Variants in LRP1B observed in about 807,000 individuals in gnomAD.
LRP1B encodes LDL receptor related protein 1B, also known as low-density lipoprotein receptor-related protein 1B.
A neutral mutation model predicts 556.6 loss-of-function variants in LRP1B; 217 were observed. The ratio of observed to expected loss-of-function variants is 0.39; its 90% CI spans 0.35 to 0.44. LRP1B has a LOEUF of 0.44. LRP1B is among the 20% of genes least tolerant of loss of function. LRP1B has a pLI of 1.00. For missense variants in LRP1B, 5,053 were observed against 5,620.8 expected (o/e 0.90, Z 3.23); for synonymous variants, 2,047 against 1,865.8 (o/e 1.10, Z -2.50).
intron 37 of LRP1B, among the ~76,000 whole-genome samples, chr2:140,715,122 A>G (rs1687163219): frequency 6.6e-6 from 1 of 152,110 alleles, no homozygotes; most frequent in Non-Finnish European, 1.5e-5. Flanking sequence ...GTGAAAGGAA[A>G]AAGAGAGTAA....
chr2:141,386,143 TC>T (rs1445177922), intron 3 of LRP1B, among the ~76,000 whole-genome samples: 1 of 152,130 alleles, frequency 6.6e-6, no homozygotes. Flanking sequence ...AAAAATACTT[TC>T]AGGTTATGTG....
chr2:141,021,013 C>A (rs1047205090), intron 11 of LRP1B, among the ~76,000 whole-genome samples: 1 of 152,006 alleles, frequency 6.6e-6, no homozygotes, highest in African/African-American at 2.4e-5. Flanking sequence ...CGATTCCATT[C>A]TTCTGTTGCA....
In LRP1B at chr2:140,525,945, C is replaced by G. The variant is rs1158761671; in HGVS notation, c.7925G>C (p.Gly2642Ala). ...HFYKLGVKTT[G>A]FIRCNSTSLC... ...TGAGGTAGAATTACATCTTATGAAC[C>G]CTGTGGTTTTCACTCCAAGCTTATA... The change falls in exon 49 of 91, where the codon GGG becomes GCG. Residue 2642 changes from glycine (G) to alanine (A), a missense_variant. By Grantham distance (60) the Gly-to-Ala change is moderately conservative (BLOSUM62 0). This residue lies in a region of LRP1B where 3,619 missense variants were observed against 3,931.9 expected (regional missense o/e 0.92). Transcript: ENST00000389484. 5 of 1,612,100 alleles carry G rather than the reference C, an allele frequency of 3.1e-6. No individual in the cohort carries two copies. The South Asian group carries it at 5.5e-5, about 18-fold the overall frequency.
chr2:141,382,852 G>T (rs1469396295), intron 3 of LRP1B, among the ~76,000 whole-genome samples: 1 of 152,072 alleles, frequency 6.6e-6, no homozygotes, highest in Non-Finnish European at 1.5e-5. Context: ...TATAAGCAAA[G>T]AAAGCAAAAG....
At chr2:141,868,882 G>A (rs893169066) in intron 1 of LRP1B, among the ~76,000 whole-genome samples, 6 of 152,038 alleles carry the variant, frequency 3.9e-5, no homozygotes, top group Non-Finnish European at 8.8e-5. Context: ...CATTTACAAA[G>A]TAATCACTGA....
Position 141,348,319 on chromosome 2 carries a change from G to A in LRP1B, c.344-93678C>T, listed in dbSNP as rs558838947. ...ACAAACAGATTTTGAAATATGTACTGAAAATAGGGATGAATTATTTCACAG... is the reference window on the plus strand; with the variant it reads ...ACAAACAGATTTTGAAATATGTACTAAAAATAGGGATGAATTATTTCACAG... On this transcript the variant is annotated intron_variant, in intron 3 of 90. Transcript: ENST00000389484. Among the ~76,000 whole-genome samples, 3 of 152,092 alleles carry A rather than the reference G, an allele frequency of 2.0e-5. No individual in the cohort carries two copies. In the South Asian group the frequency reaches 6.2e-4, roughly 32 times the overall value.
intron 3 of LRP1B, among the ~76,000 whole-genome samples, chr2:141,353,304 T>C (rs61392118): frequency 0.02 from 3,115 of 151,994 alleles, 129 homozygotes; most frequent in African/African-American, 0.07. Context: ...CAAGTATTTA[T>C]TATGAGAGAT....
chr2:142,061,803 T>C (rs1704928620), intron 1 of LRP1B, among the ~76,000 whole-genome samples: 1 of 152,012 alleles, frequency 6.6e-6, no homozygotes, highest in Non-Finnish European at 1.5e-5. Context: ...TTTCGTCTGA[T>C]ATTTTCACCT....
intron 1 of LRP1B, among the ~76,000 whole-genome samples, chr2:142,060,621 T>C (rs922493196): frequency 6.6e-6 from 1 of 152,030 alleles, no homozygotes; most frequent in African/African-American, 2.4e-5. Context: ...CTTTGAGGGC[T>C]AGATAATACA....
At chr2:140,928,352 T>C (rs541334325) in intron 20 of LRP1B, among the ~76,000 whole-genome samples, 1 of 152,244 alleles carries the variant, frequency 6.6e-6, no homozygotes, top group East Asian at 1.9e-4. Context: ...AATCGCTGCA[T>C]CTTACACACA....
intron 9 of LRP1B, among the ~76,000 whole-genome samples, chr2:141,056,974 C>A (rs182161075): frequency 6.6e-6 from 1 of 152,016 alleles, no homozygotes; most frequent in African/African-American, 2.4e-5. Context: ...TCTAGCTAGA[C>A]CACTGTCTGA....
chr2:140,254,166 A>G (rs898777101), intron 86 of LRP1B, among the ~76,000 whole-genome samples: 7 of 152,182 alleles, frequency 4.6e-5, no homozygotes, highest in Non-Finnish European at 1.0e-4. Context: ...TGTCTGGCAT[A>G]TTCAACTGCA....
chr2:141,583,565 C>A (rs1472069711), intron 2 of LRP1B, among the ~76,000 whole-genome samples: 1 of 151,804 alleles, frequency 6.6e-6, no homozygotes, highest in Non-Finnish European at 1.5e-5. Flanking sequence ...GAAGTTGACT[C>A]TGATAAATTC....
intron 43 of LRP1B, among the ~76,000 whole-genome samples, chr2:140,568,435 A>G (rs950651906): frequency 1.3e-5 from 2 of 152,054 alleles, no homozygotes; most frequent in African/African-American, 4.8e-5. Context: ...TTATTCTGTC[A>G]GAGAAAGAAG....
At position 141,906,940 on chromosome 2, in the gene LRP1B, T is replaced by C. The variant is rs1426836818; in HGVS notation, c.83-96539A>G. 2.0e-5 allele frequency among the ~76,000 whole-genome samples: 3 copies of C among 152,062 alleles called. No homozygotes were observed. In the East Asian group the frequency reaches 5.8e-4, roughly 29 times the overall value. On this transcript the variant is annotated intron_variant, in intron 1 of 90. Coordinates refer to ENST00000389484, the MANE Select transcript of LRP1B (RefSeq NM_018557.3). ...CAAAAATCGTCCCATGTTTCCCATTTTGGCAGAGACACATGCCACTTTGGC... is the reference window on the plus strand; with the variant it reads ...CAAAAATCGTCCCATGTTTCCCATTCTGGCAGAGACACATGCCACTTTGGC...
At chr2:141,526,582 A>G (rs535216586) in intron 2 of LRP1B, among the ~76,000 whole-genome samples, 1 of 152,190 alleles carries the variant, frequency 6.6e-6, no homozygotes. Context: ...ACAAAAGCAA[A>G]GAAATCAAGT....
At chr2:140,786,581 T>A (rs1689909513) in intron 32 of LRP1B, among the ~76,000 whole-genome samples, 1 of 152,172 alleles carries the variant, frequency 6.6e-6, no homozygotes, top group Admixed American at 6.5e-5. Context: ...AGAATAGAAG[T>A]CTCTTTTCTA....
Position 141,247,348 on chromosome 2 carries a change from T to A in LRP1B, c.470A>T (p.Asp157Val). 1.2e-6 allele frequency: 2 copies of A among 1,613,506 alleles called. No homozygotes were observed. Among genetic ancestry groups the A allele is most frequent in the Non-Finnish European group, 1.7e-6 (2 of 1,179,590 alleles). The stretch of plus-strand genomic sequence containing the variant: ...GCATGTACCATAAACAGCACATTCA[T>A]CTTGATCTAAAAAGGAAAATTGGCA... The part of the protein sequence containing the change: ...TEDGRSCKDQ[D>V]ECAVYGTCSQ... The change falls in exon 5 of 91, where the codon GAT becomes GTT. Residue 157 changes from aspartate to valine, a missense_variant. Asp to Val is a radical substitution (Grantham distance 152). This residue lies in a region of LRP1B where 3,619 missense variants were observed against 3,931.9 expected (regional missense o/e 0.92). Transcript: ENST00000389484.
chr2:142,082,014 T>A (rs759670874), intron 1 of LRP1B, among the ~76,000 whole-genome samples: 4 of 152,208 alleles, frequency 2.6e-5, no homozygotes, highest in Non-Finnish European at 5.9e-5. Flanking sequence ...CAGAGTTACA[T>A]CATTTTGTCC....
Sources: gnomAD v4.1 joint callset for allele counts (sites outside exome capture counted in the v4.1 genomes callset) on GRCh38, gnomAD v4.1.1 for gene constraint, gnomAD v4.1.1 regional missense constraint, MANE v1.5 for transcripts, NCBI Gene and HGNC (gene_info 2026-07-23, HGNC 2026-07-21) for gene names.